CAPN2: variants seen among roughly 807,000 people sequenced by gnomAD.
The protein encoded by CAPN2 is calpain-2 catalytic subunit.
Under a neutral mutation model 102.3 loss-of-function variants are expected in CAPN2, and 92 were observed. The ratio of observed to expected loss-of-function variants is 0.90; its 90% CI spans 0.76 to 1.07. CAPN2 has a LOEUF of 1.07. CAPN2 is among the 50% of genes least tolerant of loss of function. CAPN2 has a pLI of 0.00. For synonymous variants in CAPN2, 340 were observed against 355.4 expected (o/e 0.96, Z 0.49); for missense variants, 800 against 909.4 (o/e 0.88, Z 1.55).
chr1:223,757,543 A>G (rs1661068041), intron 11 of CAPN2, 163 bp downstream of exon 11: 2 of 731,594 alleles, frequency 2.7e-6, no homozygotes, highest in Non-Finnish European at 4.8e-6. Flanking sequence ...CAGGCTCTAG[A>G]TCCCACTGGT....
rs926449239 is a variant in CAPN2, at chr1:223,753,054, C to A, written c.1135+98C>A. 4 of 1,121,236 alleles carry A rather than the reference C, an allele frequency of 3.6e-6. No homozygotes were observed. In the South Asian group the frequency reaches 5.6e-5, roughly 16 times the overall value. 69.5% of individuals were successfully genotyped at this position (1,121,236 alleles called of 1,614,324 possible). ...TGTGTACCACACCCCAGCCTAGCAG[C>A]CCCAGGAGGCAGCTCCTGCTCACTG... On this transcript the variant is annotated intron_variant, in intron 9 of 20. Coordinates refer to ENST00000295006, the MANE Select transcript of CAPN2 (RefSeq NM_001748.5).
chr1:223,708,252 C>T (rs1447967382), upstream of CAPN2, among the ~76,000 whole-genome samples: 1 of 152,098 alleles, frequency 6.6e-6, no homozygotes, highest in Non-Finnish European at 1.5e-5. Context: ...GTGGTACCTG[C>T]CCATCAGGCA....
intron 2 of CAPN2, among the ~76,000 whole-genome samples, chr1:223,738,624 G>A (rs910878534): frequency 6.6e-6 from 1 of 152,156 alleles, no homozygotes; most frequent in Admixed American, 6.5e-5. Context: ...GCAGGCTCAC[G>A]TGCACACTCT....
At chr1:223,769,380 CA>C (rs1661413764) in intron 16 of CAPN2, among the ~76,000 whole-genome samples, 1 of 152,142 alleles carries the variant, frequency 6.6e-6, no homozygotes, top group African/African-American at 2.4e-5. Context: ...CTTGGCCTCC[CA>C]AAGTGCTGGG....
At position 223,771,814 on chromosome 1, in the gene CAPN2, A is replaced by G. The variant is rs765563013; in HGVS notation, c.1909A>G (p.Lys637Glu). The change falls in exon 19 of 21, where the codon AAG becomes GAG. Residue 637 changes from lysine to glutamate, a missense_variant. By Grantham distance (56) the Lys-to-Glu change is moderately conservative (BLOSUM62 1). Transcript: ENST00000295006. ...MRKALEEAGFKMPCQLHQVIV... is the reference protein window; with the variant it reads ...MRKALEEAGFEMPCQLHQVIV... ...GTTTGTTCATGTAACTTCAGGTTTC[A>G]AGATGCCCTGTCAACTCCACCAAGT... 3 of 1,607,708 alleles carry G rather than the reference A, an allele frequency of 1.9e-6. No homozygotes were observed. Among genetic ancestry groups the G allele is most frequent in the Non-Finnish European group, 2.6e-6 (3 of 1,174,056 alleles).
In CAPN2 at chr1:223,717,799, C is replaced by A. The variant is rs775016222; in HGVS notation, c.275C>A (p.Ala92Asp). Residue 92 changes from alanine (A) to aspartate (D), a missense_variant, in exon 2 of 21, where the codon GCC becomes GAC. Transcript: ENST00000295006. ...CADPQFIIGGATRTDICQGAL... is the reference protein window; with the variant it reads ...CADPQFIIGGDTRTDICQGAL... ...GACCCCCAGTTTATCATTGGAGGAG[C>A]CACCCGCACAGACATCTGCCAAGGA... 2.5e-6 allele frequency: 4 copies of A among 1,613,938 alleles called. No individual in the cohort carries two copies. Among genetic ancestry groups the A allele is most frequent in the Non-Finnish European group, 3.4e-6 (4 of 1,179,918 alleles).
At chr1:223,710,558 G>A (rs992539610), upstream of CAPN2, among the ~76,000 whole-genome samples, 11 of 152,170 alleles carry the variant, frequency 7.2e-5, no homozygotes, top group East Asian at 3.9e-4. Context: ...AGGCAAGGTC[G>A]GACATGCTTC....
upstream of CAPN2, among the ~76,000 whole-genome samples, chr1:223,710,686 T>C (rs963417437): frequency 2.6e-5 from 4 of 152,172 alleles, no homozygotes; most frequent in Admixed American, 2.6e-4. Flanking sequence ...AAAACTTTTG[T>C]CTCCACAACC....
At chr1:223,706,634 G>C (rs1241987631) in intron 1 of CAPN2, among the ~76,000 whole-genome samples, 1 of 152,146 alleles carries the variant, frequency 6.6e-6, no homozygotes, top group African/African-American at 2.4e-5. Flanking sequence ...CTGGGCCTCT[G>C]TTTACTCATC....
At chr1:223,709,205 AAG>A (rs1659677659), upstream of CAPN2, among the ~76,000 whole-genome samples, 1 of 152,140 alleles carries the variant, frequency 6.6e-6, no homozygotes, top group Non-Finnish European at 1.5e-5. Flanking sequence ...ATCTGTAGGA[AAG>A]AGAGAAGTCT....
At chr1:223,710,351 G>A (rs147862337), upstream of CAPN2, among the ~76,000 whole-genome samples, 1 of 152,162 alleles carries the variant, frequency 6.6e-6, no homozygotes, top group East Asian at 1.9e-4. Flanking sequence ...TCTGGAAGGA[G>A]ATGCTCTAAA....
Position 223,769,732 on chromosome 1 carries a change from C to T in CAPN2, c.1756-109C>T, listed in dbSNP as rs1243442113. ...CAGGAAAAGGATCCTTCTGCAAACC[C>T]TCCTTGTGTATATGCTATGATATTC... On this transcript the variant is annotated intron_variant, in intron 16 of 20. Transcript: ENST00000295006. The T allele has an allele frequency of 4.9e-6, 4 of 813,200 alleles. No homozygotes were observed. In the East Asian group the frequency reaches 8.0e-5, roughly 16 times the overall value. 50.4% of individuals were successfully genotyped at this position (813,200 alleles called of 1,614,324 possible). A position where few individuals can be genotyped will look rare whatever the true frequency, so the allele number is the denominator to read the frequency against.
Position 223,727,998 on chromosome 1 carries a change from T to C in CAPN2, c.307+10167T>C, listed in dbSNP as rs1660242159. On this transcript the variant is annotated intron_variant, in intron 2 of 20. Coordinates refer to ENST00000295006, the MANE Select transcript of CAPN2 (RefSeq NM_001748.5). This position sits in a 1 kb window ranked among gnomAD's most constrained non-coding sequence, Gnocchi z 4.1. The stretch of plus-strand genomic sequence containing the variant: ...GACACTGGCATTTCTCAGTGTTGGC[T>C]CCATTCTCTTGCTGGCACCCCCAGG... Among the ~76,000 whole-genome samples, 1 of 152,078 alleles carries C rather than the reference T, an allele frequency of 6.6e-6. No homozygotes were observed. The highest frequency in any genetic ancestry group is 2.4e-5 in the African/African-American group (1 of 41,402).
rs536237681 is a variant in CAPN2 at position 223,759,138 on chromosome 1, G to A, written c.1318-132G>A. 8.7e-5 allele frequency: 71 copies of A among 819,640 alleles called. No individual in the cohort carries two copies. Among genetic ancestry groups the A allele is most frequent in the South Asian group, 1.3e-4 (9 of 66,850 alleles). The allele number at this position is 819,640 out of a possible 1,614,324, so 50.8% of individuals were successfully genotyped here. A position where few individuals can be genotyped will look rare whatever the true frequency, so the allele number is the denominator to read the frequency against. On this transcript the variant is annotated intron_variant, in intron 11 of 20. Coordinates refer to ENST00000295006, the MANE Select transcript of CAPN2 (RefSeq NM_001748.5). This position sits in a 1 kb window ranked among gnomAD's most constrained non-coding sequence, Gnocchi z 4.6. ...AGGCTGGTTTCTGACGCCTGGCCTC[G>A]CCTCCTTATACACCAGGACAGCAGG...
intron 5 of CAPN2, among the ~76,000 whole-genome samples, chr1:223,748,704 C>G (rs1408989711): frequency 1.3e-5 from 2 of 148,934 alleles, no homozygotes; most frequent in East Asian, 3.9e-4. Context: ...CCATCGAGGA[C>G]CCCCTCCAGC....
intron 2 of CAPN2, among the ~76,000 whole-genome samples, chr1:223,739,826 G>A (rs79353147): frequency 0.028 from 4,257 of 152,298 alleles, 205 homozygotes; most frequent in African/African-American, 0.097. Flanking sequence ...GGGCTTTCCT[G>A]GAGCTAAAAA....
At chr1:223,747,248 G>A (rs1460861981) in intron 5 of CAPN2, 83 bp downstream of exon 5, 10 of 1,385,266 alleles carry the variant, frequency 7.2e-6, no homozygotes, top group South Asian at 1.4e-5. Flanking sequence ...GGAACCCACT[G>A]CTCCTGTGTA....
intron 1 of CAPN2, 113 bp downstream of exon 1, chr1:223,712,990 C>G (rs1280391166): frequency 1.4e-6 from 1 of 731,280 alleles, no homozygotes; most frequent in Non-Finnish European, 1.9e-6. Context: ...AGTGGGGAAG[C>G]CGCAAGCCAG....
intron 2 of CAPN2, among the ~76,000 whole-genome samples, chr1:223,734,661 C>G (rs753803109): frequency 6.6e-6 from 1 of 152,114 alleles, no homozygotes; most frequent in African/African-American, 2.4e-5. Flanking sequence ...GGCACCCTTT[C>G]GAGGACAAGA....
Sources: gnomAD v4.1 joint callset for allele counts (sites outside exome capture counted in the v4.1 genomes callset) on GRCh38, gnomAD v4.1.1 for gene constraint, Gnocchi (gnomAD v3.1) non-coding constraint, MANE v1.5 for transcripts, NCBI Gene and HGNC (gene_info 2026-07-23, HGNC 2026-07-21) for gene names.